The following RBM20 variants were observed in gnomAD, a reference collection of about 807,000 sequenced individuals.
RBM20 encodes RNA binding motif protein 20.
A neutral mutation model predicts 110.1 loss-of-function variants in RBM20; 51 were observed. That is an observed-to-expected ratio of 0.46 (90% CI 0.37 to 0.59). RBM20 has a LOEUF of 0.59. Ranked by LOEUF, RBM20 falls within the 20% of genes least tolerant of loss-of-function variation. The pLI is 0.00. For missense variants in RBM20, 1,512 were observed against 1,574.9 expected, an observed-to-expected ratio of 0.96 and a Z score of 0.68; for synonymous variants, 589 against 618.2, an observed-to-expected ratio of 0.95 and a Z score of 0.70.
intron 1 of RBM20, among the ~76,000 whole-genome samples, chr10:110,731,091 A>G (rs1301925569): frequency 1.3e-5 from 2 of 150,842 alleles, no homozygotes; most frequent in Non-Finnish European, 3.0e-5. Context: ...GAGGTATGAA[A>G]CTGTTTTGTT....
chr10:110,663,757 C>A (rs1156384347), intron 1 of RBM20, among the ~76,000 whole-genome samples: 3 of 152,176 alleles, frequency 2.0e-5, no homozygotes, highest in Non-Finnish European at 4.4e-5. Context: ...CTTGAAAACA[C>A]AATTAATTTA....
intron 1 of RBM20, among the ~76,000 whole-genome samples, chr10:110,671,736 G>GATATAT (rs35930707): frequency 5.3e-5 from 8 of 150,900 alleles, no homozygotes; most frequent in African/African-American, 2.0e-4. Flanking sequence ...CACTGTTTAA[G>GATATAT]ATATATATAT....
intron 1 of RBM20, among the ~76,000 whole-genome samples, chr10:110,741,449 C>G (rs1843724540): frequency 6.6e-6 from 1 of 152,140 alleles, no homozygotes; most frequent in African/African-American, 2.4e-5. Flanking sequence ...TGAACTCATG[C>G]AAACTCAGCC....
chr10:110,799,646 G>A (rs1204731038), intron 6 of RBM20, 141 bp from the exon 7 acceptor site: 1 of 745,452 alleles, frequency 1.3e-6, no homozygotes, highest in Non-Finnish European at 2.1e-6. Context: ...ACCTGAGAGA[G>A]AAGCTCAATG....
At chr10:110,782,147 C>G (rs758181289) in intron 2 of RBM20, among the ~76,000 whole-genome samples, 4 of 152,200 alleles carry the variant, frequency 2.6e-5, no homozygotes, top group Non-Finnish European at 5.9e-5. Context: ...AGTAGGGGAG[C>G]AAAGGACCCC....
At position 110,644,740 on chromosome 10, in the gene RBM20, T is replaced by C. The variant is rs1398045104; in HGVS notation, c.191+95T>C. On this transcript the variant is annotated intron_variant, in intron 1 of 13. Coordinates refer to ENST00000369519, the MANE Select transcript of RBM20 (RefSeq NM_001134363.3). The surrounding 1 kb of genome is among the most constrained non-coding windows in gnomAD (Gnocchi z 4.3). ...CTTCATTTCCCGTCCCTGCTGAACT[T>C]CGCTCGCCCCCCTTGGGTTTGAAGT... The C allele has an allele frequency of 2.1e-6, 2 of 958,076 alleles. No homozygotes were observed. Among genetic ancestry groups the C allele is most frequent in the Non-Finnish European group, 2.9e-6 (2 of 686,518 alleles). 59.3% of individuals were successfully genotyped at this position (958,076 alleles called of 1,614,324 possible).
Position 110,781,060 on chromosome 10 carries a change from G to C in RBM20, c.451G>C (p.Gly151Arg), listed in dbSNP as rs1195758848. 1.9e-6 allele frequency: 3 copies of C among 1,551,756 alleles called. No individual in the cohort carries two copies. The change falls in exon 2 of 14, where the codon GGG (glycine) becomes CGG (arginine). Residue 151 changes from glycine to arginine, a missense_variant. Physicochemically the swap from Gly to Arg is moderately radical, Grantham distance 125 (BLOSUM62 -2). Transcript: ENST00000369519. ...SVITGPHGHA[G>R]VPQHAAAIPS... ...GATCACTGGCCCCCACGGCCATGCTGGGGTTCCCCAACATGCTGCAGCCAT... is the reference window on the plus strand; with the variant it reads ...GATCACTGGCCCCCACGGCCATGCTCGGGTTCCCCAACATGCTGCAGCCAT...
In RBM20 at chr10:110,781,054, C is replaced by T. The variant is rs1275127985; in HGVS notation, c.445C>T (p.His149Tyr). 6.4e-7 allele frequency: 1 copy of T among 1,551,926 alleles called. No individual in the cohort carries two copies. Among genetic ancestry groups the T allele is most frequent in the South Asian group, 1.2e-5 (1 of 84,064 alleles). Residue 149 changes from histidine to tyrosine, a missense_variant, in exon 2 of 14, where the codon CAT becomes TAT. Physicochemically the swap from His to Tyr is moderately conservative, Grantham distance 83 (BLOSUM62 2). This residue lies in a region of RBM20 where 1,149 missense variants were observed against 1,169.4 expected (regional missense o/e 0.98). Coordinates refer to ENST00000369519, the MANE Select transcript of RBM20 (RefSeq NM_001134363.3). ...GTCTGTGATCACTGGCCCCCACGGC[C>T]ATGCTGGGGTTCCCCAACATGCTGC... ...HPSVITGPHG[H>Y]AGVPQHAAAI...
In RBM20 at chr10:110,644,482, G is replaced by A; in HGVS notation, c.28G>A (p.Asp10Asn). The A allele has an allele frequency of 6.6e-7, 1 of 1,520,948 alleles. No individual in the cohort carries two copies. Among genetic ancestry groups the A allele is most frequent in the Non-Finnish European group, 8.8e-7 (1 of 1,138,516 alleles). The allele number at this position is 1,520,948 out of a possible 1,614,324, so 94.2% of individuals were successfully genotyped here. Residue 10 changes from aspartate to asparagine, a missense_variant, in exon 1 of 14, where the codon GAC (aspartate) becomes AAC (asparagine). Asp to Asn is a conservative substitution (Grantham distance 23). Coordinates refer to ENST00000369519, the MANE Select transcript of RBM20 (RefSeq NM_001134363.3). The surrounding 1 kb of genome is among the most constrained non-coding windows in gnomAD (Gnocchi z 4.3). Reference sequence around the variant, plus strand: ...GGTGCTGGCAGCAGCCATGAGCCAGGACGCGGACCCCAGCGGTCCGGAGCA... The same window carrying A: ...GGTGCTGGCAGCAGCCATGAGCCAGAACGCGGACCCCAGCGGTCCGGAGCA... MVLAAAMSQDADPSGPEQPD... is the reference protein window; with the variant it reads MVLAAAMSQNADPSGPEQPD...
chr10:110,758,810 G>C (rs780927035), intron 1 of RBM20, among the ~76,000 whole-genome samples: 16 of 152,162 alleles, frequency 1.1e-4, no homozygotes, highest in Non-Finnish European at 2.4e-4. Context: ...CAGTGCAGAT[G>C]AGGGGAAGGA....
At chr10:110,670,913 A>G (rs1396767565) in intron 1 of RBM20, among the ~76,000 whole-genome samples, 1 of 152,188 alleles carries the variant, frequency 6.6e-6, no homozygotes, top group African/African-American at 2.4e-5. Context: ...TTAAAGTATC[A>G]CACATGGTTT....
intron 1 of RBM20, among the ~76,000 whole-genome samples, chr10:110,747,230 G>A (rs559921988): frequency 1.3e-5 from 2 of 150,442 alleles, no homozygotes; most frequent in Non-Finnish European, 3.0e-5. Flanking sequence ...ACCTGCTTGT[G>A]TATTACTGGT....
At chr10:110,752,943 A>ATTTTT (rs1475212776) in intron 1 of RBM20, among the ~76,000 whole-genome samples, 10 of 95,070 alleles carry the variant, frequency 1.1e-4, no homozygotes, top group South Asian at 3.4e-4. Flanking sequence ...ATATATATAT[A>ATTTTT]TATTTTTTTT....
At chr10:110,822,709 C>A (rs1844930773) in intron 11 of RBM20, among the ~76,000 whole-genome samples, 1 of 152,226 alleles carries the variant, frequency 6.6e-6, no homozygotes, top group South Asian at 2.1e-4. Context: ...GCAGAAAATA[C>A]AGAGGAAAGG....
rs528910349 is a variant in RBM20 at position 110,739,121 on chromosome 10, T to C, written c.192-41680T>C. Among the ~76,000 whole-genome samples, 120 of 152,320 alleles carry C rather than the reference T, an allele frequency of 7.9e-4. No homozygotes were observed. The highest frequency in any genetic ancestry group is 2.8e-3 in the African/African-American group (116 of 41,568). On this transcript the variant is annotated intron_variant, in intron 1 of 13. Coordinates refer to ENST00000369519, the MANE Select transcript of RBM20 (RefSeq NM_001134363.3). This position sits in a 1 kb window ranked among gnomAD's most constrained non-coding sequence, Gnocchi z 4.1. ...TTTTCTGGCTGGGCACAGGATCAGA[T>C]GGATGTCTTTCTGTCTGTTGACAGG...
At chr10:110,798,789 C>T (rs1410946771) in intron 6 of RBM20, among the ~76,000 whole-genome samples, 1 of 152,178 alleles carries the variant, frequency 6.6e-6, no homozygotes, top group African/African-American at 2.4e-5. Flanking sequence ...ACAGTGAGGG[C>T]TTCCCTGTCA....
chr10:110,659,384 C>CCA (rs776956412), intron 1 of RBM20, among the ~76,000 whole-genome samples: 2 of 152,140 alleles, frequency 1.3e-5, no homozygotes, highest in Non-Finnish European at 2.9e-5. Flanking sequence ...TAAAGGGGGA[C>CCA]CAGGGTATGG....
intron 8 of RBM20, among the ~76,000 whole-genome samples, chr10:110,810,794 CGTGTGT>C (rs111830546): frequency 3.5e-4 from 51 of 147,388 alleles, no homozygotes; most frequent in African/African-American, 9.7e-4. Context: ...AAAAGTAATG[CGTGTGT>C]GTGTGTGTGT....
At chr10:110,795,942 G>A (rs1381391673) in intron 5 of RBM20, among the ~76,000 whole-genome samples, 1 of 152,202 alleles carries the variant, frequency 6.6e-6, no homozygotes, top group Non-Finnish European at 1.5e-5. Flanking sequence ...GGACCCCAAG[G>A]TTTGACCAGA....
Sources: gnomAD v4.1 joint callset for allele counts (sites outside exome capture counted in the v4.1 genomes callset) on GRCh38, gnomAD v4.1.1 for gene constraint, gnomAD v4.1.1 regional missense constraint, Gnocchi (gnomAD v3.1) non-coding constraint, MANE v1.5 for transcripts, NCBI Gene and HGNC (gene_info 2026-07-23, HGNC 2026-07-21) for gene names.